ZNF618: variants seen among roughly 807,000 people sequenced by gnomAD.
ZNF618 encodes neural precursor cell expressed, developmentally down-regulated 10.
A neutral mutation model predicts 103.0 loss-of-function variants in ZNF618; 34 were observed. The observed-to-expected ratio is 0.33, with a 90% CI of 0.25 to 0.44. The LOEUF (loss-of-function observed/expected upper bound fraction) is 0.44, where lower values mean the gene tolerates loss of function less well. Ranked by LOEUF, ZNF618 falls within the 20% of genes least tolerant of loss-of-function variation. ZNF618 has a pLI of 1.00. For synonymous variants in ZNF618, 551 were observed against 542.2 expected (o/e 1.02, Z -0.23); for missense variants, 1,059 against 1,295.4 (o/e 0.82, Z 2.80).
In ZNF618 at chr9:113,981,159, G is replaced by A. The variant is rs111488260; in HGVS notation, c.78-7162G>A. Among the ~76,000 whole-genome samples the A allele has an allele frequency of 9.8e-3, 1,495 of 152,290 alleles. 12 individuals are homozygous for A. Among genetic ancestry groups the A allele is most frequent in the Non-Finnish European group, 0.016 (1,100 of 68,032 alleles). On this transcript the variant is annotated intron_variant, in intron 2 of 14. Coordinates refer to ENST00000374126, the MANE Select transcript of ZNF618 (RefSeq NM_001318042.2). ...AGCAGTTCACCTTCATTCCTAAGGAGTGGAGTTTTATTCTAGGGGGAGTTA... is the reference window on the plus strand; with the variant it reads ...AGCAGTTCACCTTCATTCCTAAGGAATGGAGTTTTATTCTAGGGGGAGTTA...
chr9:113,945,251 A>G (rs1834911624), intron 1 of ZNF618, among the ~76,000 whole-genome samples: 1 of 152,080 alleles, frequency 6.6e-6, no homozygotes, highest in South Asian at 2.1e-4. Flanking sequence ...AAGCCAAACC[A>G]TGTTTTCAGG....
At chr9:113,879,139 A>C (rs1828246124) in intron 1 of ZNF618, among the ~76,000 whole-genome samples, 1 of 150,014 alleles carries the variant, frequency 6.7e-6, no homozygotes, top group South Asian at 2.1e-4. Flanking sequence ...GCCTGAGTTT[A>C]GCAGTGATGA....
At chr9:113,971,567 GAC>G (rs1332846392) in intron 2 of ZNF618, among the ~76,000 whole-genome samples, 1 of 152,198 alleles carries the variant, frequency 6.6e-6, no homozygotes, top group Admixed American at 6.5e-5. Context: ...TGAATGAAGA[GAC>G]AAAGCACCAC....
In ZNF618 at chr9:113,982,711, G is replaced by A. The variant is rs72759006; in HGVS notation, c.78-5610G>A. Reference sequence around the variant, plus strand: ...GCAAAGCTGTGTGTATTGAAGATGGGGAGTCTTAGAGCCTTGCTCAACACT... The same window carrying A: ...GCAAAGCTGTGTGTATTGAAGATGGAGAGTCTTAGAGCCTTGCTCAACACT... On this transcript the variant is annotated intron_variant, in intron 2 of 14. Transcript: ENST00000374126. 9.7e-3 allele frequency among the ~76,000 whole-genome samples: 1,483 copies of A among 152,222 alleles called. 17 individuals are homozygous for A. Among genetic ancestry groups the A allele is most frequent in the Non-Finnish European group, 0.014 (949 of 68,030 alleles).
intron 1 of ZNF618, among the ~76,000 whole-genome samples, chr9:113,899,201 G>A (rs1830299590): frequency 6.6e-6 from 1 of 151,788 alleles, no homozygotes. Context: ...GTACAGTTCA[G>A]TAATATGAAG....
chr9:113,879,397 G>A (rs200996867), intron 1 of ZNF618, among the ~76,000 whole-genome samples: 1 of 95,618 alleles, frequency 1.0e-5, no homozygotes, highest in African/African-American at 4.2e-5. Context: ...TTTTTTTTCT[G>A]TTTTTTTTTT....
rs1246773204 is a variant in ZNF618, at chr9:114,033,406, A to AGAGG, written c.1168+681_1168+682insGGAG. On this transcript the variant is annotated intron_variant, in intron 12 of 14. Transcript: ENST00000374126. The stretch of plus-strand genomic sequence containing the variant: ...GTCTCAAAAAGAGAGAGAGAGAGAG[A>AGAGG]GAGAGAGAGAGAGAGCTGTGAGAGC... Among the ~76,000 whole-genome samples the AGAGG allele has an allele frequency of 1.5e-4, 23 of 151,536 alleles. No homozygotes were observed. In the East Asian group the frequency reaches 2.9e-3, roughly 19 times the overall value.
intron 1 of ZNF618, among the ~76,000 whole-genome samples, chr9:113,958,980 A>G (rs1276546657): frequency 7.2e-5 from 11 of 152,128 alleles, no homozygotes. Flanking sequence ...GTAAATGTGA[A>G]ATTTCTTCAA....
At chr9:113,955,981 G>A (rs1028269305) in intron 1 of ZNF618, among the ~76,000 whole-genome samples, 2 of 151,854 alleles carry the variant, frequency 1.3e-5, no homozygotes, top group South Asian at 2.1e-4. Flanking sequence ...AGGCCGAAGC[G>A]GGTGGATCAC....
At chr9:114,045,566 C>T (rs1243171084) in intron 13 of ZNF618, among the ~76,000 whole-genome samples, 1 of 151,928 alleles carries the variant, frequency 6.6e-6, no homozygotes, top group East Asian at 1.9e-4. Flanking sequence ...CAGTTGTATT[C>T]CTTTGATCTA....
At chr9:113,955,310 C>T (rs924597359) in intron 1 of ZNF618, among the ~76,000 whole-genome samples, 1 of 150,454 alleles carries the variant, frequency 6.6e-6, no homozygotes, top group Non-Finnish European at 1.5e-5. Context: ...ACACCCCACC[C>T]CCACACTGCA....
chr9:114,043,269 A>G (rs1845374395), intron 13 of ZNF618, among the ~76,000 whole-genome samples: 1 of 152,210 alleles, frequency 6.6e-6, no homozygotes, highest in African/African-American at 2.4e-5. Flanking sequence ...TCTGAGCTGT[A>G]AGGTAATTCT....
intron 1 of ZNF618, among the ~76,000 whole-genome samples, chr9:113,890,244 A>G (rs1250129517): frequency 1.3e-5 from 2 of 152,240 alleles, no homozygotes; most frequent in Non-Finnish European, 1.5e-5. Context: ...GTACAAAAAA[A>G]TGAAGATTAT....
intron 13 of ZNF618, among the ~76,000 whole-genome samples, chr9:114,040,164 C>A (rs1845015939): frequency 6.6e-6 from 1 of 152,172 alleles, no homozygotes; most frequent in Admixed American, 6.5e-5. Context: ...GAATAAGAAT[C>A]ATTCCTGCAG....
chr9:113,914,373 C>A (rs1329082762), intron 1 of ZNF618, among the ~76,000 whole-genome samples: 3 of 152,146 alleles, frequency 2.0e-5, no homozygotes, highest in Admixed American at 1.3e-4. Flanking sequence ...AGGATATAGG[C>A]ACCTTGGGGC....
At chr9:113,911,155 C>T (rs1039239942) in intron 1 of ZNF618, among the ~76,000 whole-genome samples, 1 of 151,936 alleles carries the variant, frequency 6.6e-6, no homozygotes, top group Non-Finnish European at 1.5e-5. Flanking sequence ...GCTTTCTAAG[C>T]ACTGTCTTAA....
In ZNF618 at chr9:114,007,415, C is replaced by T; in HGVS notation, c.616C>T (p.His206Tyr). 1 of 1,613,720 alleles carries T rather than the reference C, an allele frequency of 6.2e-7. No individual in the cohort carries two copies. Among genetic ancestry groups the T allele is most frequent in the Non-Finnish European group, 8.5e-7 (1 of 1,179,852 alleles). The change falls in exon 7 of 15, where the codon CAC (histidine) becomes TAC (tyrosine). Residue 206 changes from histidine (H) to tyrosine (Y), a missense_variant. His to Tyr is a moderately conservative substitution (Grantham distance 83). This residue lies in a region of ZNF618 where 434 missense variants were observed against 476.0 expected (regional missense o/e 0.91). Coordinates refer to ENST00000374126, the MANE Select transcript of ZNF618 (RefSeq NM_001318042.2). ...KYKYYSCFQE[H>Y]RDLHAVDVFS... Reference sequence around the variant, plus strand: ...CAAATACTACAGCTGTTTCCAAGAGCACCGAGACCTGCACGCAGTGGATGG... The same window carrying T: ...CAAATACTACAGCTGTTTCCAAGAGTACCGAGACCTGCACGCAGTGGATGG...
chr9:113,999,979 C>A (rs185332051), intron 4 of ZNF618, among the ~76,000 whole-genome samples: 1 of 152,308 alleles, frequency 6.6e-6, no homozygotes, highest in East Asian at 1.9e-4. Context: ...CAGCAAGACA[C>A]CATGGATTTA....
intron 1 of ZNF618, among the ~76,000 whole-genome samples, chr9:113,912,825 T>A (rs771361342): frequency 5.9e-5 from 9 of 152,084 alleles, no homozygotes; most frequent in Non-Finnish European, 1.3e-4. Flanking sequence ...ATTTTCCCCA[T>A]CTGTACAGTT....
Sources: gnomAD v4.1 joint callset for allele counts (sites outside exome capture counted in the v4.1 genomes callset) on GRCh38, gnomAD v4.1.1 for gene constraint, gnomAD v4.1.1 regional missense constraint, MANE v1.5 for transcripts, NCBI Gene and HGNC (gene_info 2026-07-23, HGNC 2026-07-21) for gene names.